The following FRMD6 variants were observed in gnomAD, a reference collection of about 807,000 sequenced individuals.
The protein encoded by FRMD6 is FERM domain containing 6.
FRMD6 carries 37 observed loss-of-function variants against 73.2 expected under a neutral mutation model. The observed-to-expected ratio is 0.51, with a 90% CI of 0.39 to 0.66. FRMD6 has a LOEUF of 0.66. Among genes scored for constraint, FRMD6 ranks in the 30% least tolerant of loss-of-function variants. FRMD6 has a pLI of 0.00. For missense variants in FRMD6, 714 were observed against 780.5 expected, an observed-to-expected ratio of 0.91 and a Z score of 1.02; for synonymous variants, 273 against 282.2, an observed-to-expected ratio of 0.97 and a Z score of 0.33.
In FRMD6 at chr14:51,524,430, G is replaced by A. The variant is rs185335783; in HGVS notation, c.-210+35010G>A. On this transcript the variant is annotated intron_variant, in intron 1 of 14. Transcript: ENST00000356218. ...TGCATGACCTTAGTAGGTGTTTTGCGGGGAGCGGGACCTCTGGGGGCAAGG... is the reference window on the plus strand; with the variant it reads ...TGCATGACCTTAGTAGGTGTTTTGCAGGGAGCGGGACCTCTGGGGGCAAGG... 2.2e-3 allele frequency among the ~76,000 whole-genome samples: 338 copies of A among 152,050 alleles called. 3 individuals are homozygous for A. The highest frequency in any genetic ancestry group is 7.5e-3 in the African/African-American group (311 of 41,452).
intron 2 of FRMD6, among the ~76,000 whole-genome samples, chr14:51,628,670 G>A (rs925822059): frequency 6.6e-6 from 1 of 151,442 alleles, no homozygotes; most frequent in African/African-American, 2.4e-5. Context: ...AAAATTAGCT[G>A]GGCATGGTGG....
the FRMD6 span, among the ~76,000 whole-genome samples, chr14:51,403,727 T>C: frequency 6.6e-6 from 1 of 152,238 alleles, no homozygotes; most frequent in African/African-American, 2.4e-5. Flanking sequence ...ATCAATATTA[T>C]GTATTAAGTT....
chr14:51,715,561 T>C, intron 10 of FRMD6, 62 bp downstream of exon 10: 1 of 1,376,330 alleles, frequency 7.3e-7, no homozygotes, highest in Non-Finnish European at 9.8e-7. Flanking sequence ...CCTCTTACTC[T>C]GAATGGGGGT....
chr14:51,544,407 A>C (rs961377640), intron 1 of FRMD6, among the ~76,000 whole-genome samples: 1 of 152,060 alleles, frequency 6.6e-6, no homozygotes, highest in Non-Finnish European at 1.5e-5. Flanking sequence ...ATACATACAA[A>C]ATATACAGTT....
intron 1 of FRMD6, among the ~76,000 whole-genome samples, chr14:51,660,423 C>T (rs1893135924): frequency 6.6e-6 from 1 of 152,056 alleles, no homozygotes; most frequent in Non-Finnish European, 1.5e-5. Flanking sequence ...TTCTATCCTT[C>T]AAGCCCATAG....
At position 51,562,261 on chromosome 14, in the gene FRMD6, C is replaced by T. The variant is rs568531196; in HGVS notation, c.-209-8087C>T. On this transcript the variant is annotated intron_variant, in intron 1 of 14. Transcript: ENST00000356218. ...GAATTTAGGTATCAACCAAAGATTGCCTGCATCCAGGGACTAATGGGAGTA... is the reference window on the plus strand; with the variant it reads ...GAATTTAGGTATCAACCAAAGATTGTCTGCATCCAGGGACTAATGGGAGTA... 1.7e-4 allele frequency among the ~76,000 whole-genome samples: 26 copies of T among 152,068 alleles called. No homozygotes were observed. In the South Asian group the frequency reaches 5.2e-3, roughly 30 times the overall value.
At chr14:51,599,957 TC>T (rs952707706) in intron 2 of FRMD6, 1 of 150,138 alleles carries the variant, frequency 6.7e-6, no homozygotes, top group Non-Finnish European at 1.5e-5. Context: ...CTATTTCAGC[TC>T]CCGACGGCCA....
At chr14:51,578,432 A>C (rs1370251808) in intron 2 of FRMD6, among the ~76,000 whole-genome samples, 3 of 152,250 alleles carry the variant, frequency 2.0e-5, no homozygotes, top group Non-Finnish European at 4.4e-5. Flanking sequence ...GGTTTAAACC[A>C]AAAGAGGTCG....
the FRMD6 span, among the ~76,000 whole-genome samples, chr14:51,438,941 G>C: frequency 6.6e-6 from 1 of 152,328 alleles, no homozygotes; most frequent in African/African-American, 2.4e-5. Flanking sequence ...AGGAGTAACT[G>C]TCCCAGCTCT....
At chr14:51,468,098 G>A in the FRMD6 span, among the ~76,000 whole-genome samples, 21 of 152,150 alleles carry the variant, frequency 1.4e-4, no homozygotes, top group African/African-American at 4.1e-4. Flanking sequence ...AGACCAGCCC[G>A]GCCAATACGG....
At chr14:51,648,488 G>A (rs534491113), upstream of FRMD6, among the ~76,000 whole-genome samples, 39 of 152,284 alleles carry the variant, frequency 2.6e-4, no homozygotes, top group African/African-American at 8.9e-4. Flanking sequence ...CTGAGACACA[G>A]GCATCAATAG....
chr14:51,643,358 A>G (rs139527970), intron 2 of FRMD6: 123 of 152,256 alleles, frequency 8.1e-4, no homozygotes, highest in African/African-American at 2.8e-3. Flanking sequence ...GCAGGGATGA[A>G]TAAAAAGTTG....
the FRMD6 span, among the ~76,000 whole-genome samples, chr14:51,421,377 G>A: frequency 2.6e-5 from 4 of 152,208 alleles, no homozygotes; most frequent in African/African-American, 9.6e-5. Flanking sequence ...TCAAGACTCA[G>A]TCCTAAGGCC....
intron 1 of FRMD6, among the ~76,000 whole-genome samples, chr14:51,570,015 C>T (rs1267305412): frequency 6.6e-6 from 1 of 151,998 alleles, no homozygotes; most frequent in African/African-American, 2.4e-5. Context: ...CGGGGTTTCA[C>T]CATGTTAGCC....
intron 2 of FRMD6, among the ~76,000 whole-genome samples, chr14:51,696,461 T>C (rs1005758642): frequency 6.6e-6 from 1 of 151,656 alleles, no homozygotes; most frequent in Non-Finnish European, 1.5e-5. Flanking sequence ...GAAAATTGTA[T>C]CTTTTAAAGA....
chr14:51,502,072 G>A (rs1468013215), intron 1 of FRMD6, among the ~76,000 whole-genome samples: 4 of 151,996 alleles, frequency 2.6e-5, no homozygotes, highest in South Asian at 4.1e-4. Context: ...TAATAGGGTT[G>A]TTTTTTTCTT....
At chr14:51,442,919 G>A in the FRMD6 span, among the ~76,000 whole-genome samples, 1 of 152,180 alleles carries the variant, frequency 6.6e-6, no homozygotes, top group Non-Finnish European at 1.5e-5. Flanking sequence ...AGAAACCATG[G>A]AGTGCAAAAT....
chr14:51,450,149 A>G, the FRMD6 span, among the ~76,000 whole-genome samples: 1 of 152,236 alleles, frequency 6.6e-6, no homozygotes, highest in Non-Finnish European at 1.5e-5. Context: ...CCTGTGACTT[A>G]CTGCCACAGA....
intron 1 of FRMD6, among the ~76,000 whole-genome samples, chr14:51,514,667 A>G (rs1983729): frequency 0.58 from 88,009 of 151,930 alleles, 26,543 homozygotes; most frequent in African/African-American, 0.73. Flanking sequence ...GGTCAATATG[A>G]TGAAACCCTG....
Sources: allele counts gnomAD v4.1 joint callset (sites outside exome capture counted in the v4.1 genomes callset), GRCh38; gene constraint gnomAD v4.1.1; transcripts MANE v1.5; gene names NCBI Gene and HGNC (gene_info 2026-07-23, HGNC 2026-07-21).